Variants in ROBO2 observed in about 807,000 individuals in gnomAD.
The protein encoded by ROBO2 is roundabout guidance receptor 2.
ROBO2 carries 53 observed loss-of-function variants against 160.8 expected under a neutral mutation model. The observed-to-expected ratio is 0.33, with a 90% CI of 0.26 to 0.41. ROBO2 has a LOEUF of 0.41. Among genes scored for constraint, ROBO2 ranks in the 10% least tolerant of loss-of-function variants. The pLI is 1.00. For missense variants in ROBO2, 1,577 were observed against 1,722.4 expected (o/e 0.92, Z 1.49); for synonymous variants, 664 against 611.7 (o/e 1.09, Z -1.26).
intron 2 of ROBO2, among the ~76,000 whole-genome samples, chr3:76,225,614 C>A (rs1259290489): frequency 6.6e-6 from 1 of 152,030 alleles, no homozygotes; most frequent in Non-Finnish European, 1.5e-5. Context: ...ACTCGAGAGG[C>A]TGAGGTGGGA....
intron 2 of ROBO2, among the ~76,000 whole-genome samples, chr3:75,938,128 C>G: frequency 6.6e-6 from 1 of 151,656 alleles, no homozygotes; most frequent in Non-Finnish European, 1.5e-5. Context: ...CATTCTTCCG[C>G]CAAGTGTATT....
At chr3:76,727,363 C>A (rs2093568414) in intron 2 of ROBO2, among the ~76,000 whole-genome samples, 1 of 152,022 alleles carries the variant, frequency 6.6e-6, no homozygotes, top group South Asian at 2.1e-4. Flanking sequence ...ATTTAAAAAG[C>A]CCTGATTCCT....
intron 16 of ROBO2, among the ~76,000 whole-genome samples, chr3:77,580,397 G>A (rs1257234754): frequency 6.6e-6 from 1 of 152,100 alleles, no homozygotes; most frequent in Non-Finnish European, 1.5e-5. Flanking sequence ...TGCCTCATTA[G>A]CAATTTTGGT....
intron 2 of ROBO2, among the ~76,000 whole-genome samples, chr3:76,409,098 A>G (rs1477729802): frequency 1.3e-5 from 2 of 152,182 alleles, no homozygotes; most frequent in East Asian, 3.9e-4. Context: ...ATTTTGTTTT[A>G]GTTTTTATGG....
intron 2 of ROBO2, among the ~76,000 whole-genome samples, chr3:76,660,415 C>G (rs2091767345): frequency 6.6e-6 from 1 of 152,220 alleles, no homozygotes; most frequent in East Asian, 1.9e-4. Context: ...TTGGATTTCT[C>G]AGGACTGAAG....
intron 2 of ROBO2, among the ~76,000 whole-genome samples, chr3:76,027,196 G>A (rs187371374): frequency 1.4e-4 from 21 of 152,026 alleles, no homozygotes; most frequent in African/African-American, 4.1e-4. Flanking sequence ...AACAGCATAA[G>A]CTGTTTTCAA....
intron 2 of ROBO2, among the ~76,000 whole-genome samples, chr3:76,488,773 A>T (rs1381993527): frequency 6.6e-6 from 1 of 152,106 alleles, no homozygotes; most frequent in African/African-American, 2.4e-5. Context: ...CACACAAAAA[A>T]GGGTGTGTCA....
At chr3:76,419,461 C>A (rs1305995620) in intron 2 of ROBO2, among the ~76,000 whole-genome samples, 1 of 151,164 alleles carries the variant, frequency 6.6e-6, no homozygotes. Context: ...TTAAATTTAA[C>A]CTGGGCTCCA....
intron 5 of ROBO2, among the ~76,000 whole-genome samples, chr3:77,503,227 A>T (rs1236136465): frequency 4.6e-5 from 7 of 151,608 alleles, no homozygotes; most frequent in Non-Finnish European, 1.0e-4. Context: ...AATTAAAAAA[A>T]TAATAATAAT....
chr3:76,510,178 G>A (rs1485229740), intron 2 of ROBO2, among the ~76,000 whole-genome samples: 1 of 152,100 alleles, frequency 6.6e-6, no homozygotes, highest in Non-Finnish European at 1.5e-5. Flanking sequence ...CTACTTTGTG[G>A]TGAAAGAATA....
chr3:77,546,849 G>A (rs1394101230), intron 7 of ROBO2, among the ~76,000 whole-genome samples: 2 of 152,030 alleles, frequency 1.3e-5, no homozygotes, highest in East Asian at 3.9e-4. Flanking sequence ...CTGTGACATG[G>A]AAAACAGTCA....
intron 2 of ROBO2, among the ~76,000 whole-genome samples, chr3:77,278,713 C>T (rs944131169): frequency 2.6e-5 from 4 of 151,858 alleles, no homozygotes; most frequent in South Asian, 2.1e-4. Flanking sequence ...GGTTATAATG[C>T]GAGAAGAGAT....
At chr3:77,383,067 G>A (rs1431920944) in intron 2 of ROBO2, among the ~76,000 whole-genome samples, 1 of 152,018 alleles carries the variant, frequency 6.6e-6, no homozygotes, top group South Asian at 2.1e-4. Flanking sequence ...GAAACTATTT[G>A]CATATGCATT....
intron 2 of ROBO2, among the ~76,000 whole-genome samples, chr3:76,947,903 A>C (rs1275077699): frequency 6.6e-6 from 1 of 152,090 alleles, no homozygotes; most frequent in Admixed American, 6.6e-5. Context: ...TATTTGTTTT[A>C]TATTCAATAT....
intron 2 of ROBO2, among the ~76,000 whole-genome samples, chr3:77,011,849 T>G (rs2061941831): frequency 6.6e-6 from 1 of 152,162 alleles, no homozygotes; most frequent in Non-Finnish European, 1.5e-5. Flanking sequence ...CAAAAGATTT[T>G]TCATCCAGGT....
intron 21 of ROBO2, among the ~76,000 whole-genome samples, chr3:77,616,545 T>A (rs965575593): frequency 6.6e-6 from 1 of 152,104 alleles, no homozygotes; most frequent in Non-Finnish European, 1.5e-5. Flanking sequence ...AGGAAAGTGA[T>A]GTGTGATTGT....
At chr3:76,046,935 C>T (rs1373947568) in intron 2 of ROBO2, among the ~76,000 whole-genome samples, 1 of 152,152 alleles carries the variant, frequency 6.6e-6, no homozygotes, top group East Asian at 1.9e-4. Flanking sequence ...TCCATTTGTT[C>T]ATTGACCACA....
chr3:76,311,739 G>T (rs2071602359), intron 2 of ROBO2, among the ~76,000 whole-genome samples: 1 of 152,162 alleles, frequency 6.6e-6, no homozygotes, highest in Non-Finnish European at 1.5e-5. Flanking sequence ...ATTTTTAAAA[G>T]AAATGGGTTC....
chr3:76,946,823 A>T (rs1321989113), intron 2 of ROBO2, among the ~76,000 whole-genome samples: 1 of 152,190 alleles, frequency 6.6e-6, no homozygotes, highest in Non-Finnish European at 1.5e-5. Context: ...GCTGGGTTGC[A>T]CCTGGATTAC....
Sources: allele counts gnomAD v4.1 joint callset (sites outside exome capture counted in the v4.1 genomes callset), GRCh38; gene constraint gnomAD v4.1.1; transcripts MANE v1.5; gene names NCBI Gene and HGNC (gene_info 2026-07-23, HGNC 2026-07-21).